The following KCNIP4 variants were observed in gnomAD, a reference collection of about 807,000 sequenced individuals.
KCNIP4 encodes the protein potassium voltage-gated channel interacting protein 4.
Under a neutral mutation model 34.0 loss-of-function variants are expected in KCNIP4, and 12 were observed. That is an observed-to-expected ratio of 0.35 (90% CI 0.23 to 0.57). The LOEUF is 0.57. KCNIP4 is among the 20% of genes least tolerant of loss of function. The pLI is 0.83. For synonymous variants in KCNIP4, 124 were observed against 102.2 expected (o/e 1.21, Z -1.29); for missense variants, 238 against 311.7 (o/e 0.76, Z 1.78).
rs961833990 is a variant in KCNIP4, at chr4:21,635,775, C to T, written c.61+312796G>A. Among the ~76,000 whole-genome samples, 35 of 152,080 alleles carry T rather than the reference C, an allele frequency of 2.3e-4. 1 individual carries two copies. The highest frequency in any genetic ancestry group is 6.8e-4 in the African/African-American group (28 of 41,412). ...AACTGGAAATACCATTTGATGCAGC[C>T]ATCCCATTACTGGGTATATACCCAA... is the stretch of plus-strand genomic sequence containing the variant. On this transcript the variant is annotated intron_variant, in intron 1 of 8. Coordinates refer to ENST00000382152, the MANE Select transcript of KCNIP4 (RefSeq NM_025221.6).
intron 1 of KCNIP4, among the ~76,000 whole-genome samples, chr4:21,497,622 G>A (rs1230558226): frequency 1.3e-5 from 2 of 152,050 alleles, no homozygotes; most frequent in Non-Finnish European, 2.9e-5. Context: ...ACAGTAATAA[G>A]CCTTTCATGT....
chr4:20,875,329 G>A (rs1723900222), intron 2 of KCNIP4, among the ~76,000 whole-genome samples: 1 of 152,166 alleles, frequency 6.6e-6, no homozygotes, highest in Non-Finnish European at 1.5e-5. Context: ...TGCTGATGAT[G>A]TGATTCAGAA....
intron 1 of KCNIP4, among the ~76,000 whole-genome samples, chr4:21,121,717 C>G (rs1750174853): frequency 6.6e-6 from 1 of 152,178 alleles, no homozygotes; most frequent in Admixed American, 6.5e-5. Flanking sequence ...AAACAACAAG[C>G]ATATTGCCCA....
intron 3 of KCNIP4, among the ~76,000 whole-genome samples, chr4:20,794,463 A>G (rs1713185391): frequency 6.6e-6 from 1 of 152,184 alleles, no homozygotes; most frequent in Non-Finnish European, 1.5e-5. Context: ...CTGTATGTTA[A>G]TTATACCTCA....
intron 1 of KCNIP4, among the ~76,000 whole-genome samples, chr4:21,246,802 T>G (rs1760237654): frequency 6.6e-6 from 1 of 152,166 alleles, no homozygotes; most frequent in Admixed American, 6.5e-5. Flanking sequence ...CTTCAGAAAA[T>G]AAGAATGTAA....
At chr4:20,817,226 C>T (rs923986715) in intron 3 of KCNIP4, among the ~76,000 whole-genome samples, 1 of 152,080 alleles carries the variant, frequency 6.6e-6, no homozygotes, top group Non-Finnish European at 1.5e-5. Flanking sequence ...GGAATTAGTC[C>T]CATTTTACCT....
intron 1 of KCNIP4, among the ~76,000 whole-genome samples, chr4:21,466,395 C>G (rs749463902): frequency 4.6e-5 from 7 of 152,194 alleles, no homozygotes; most frequent in Non-Finnish European, 1.0e-4. Flanking sequence ...TCATTAACTT[C>G]ATTCTGATGG....
intron 1 of KCNIP4, among the ~76,000 whole-genome samples, chr4:21,738,852 T>C (rs1053882157): frequency 8.5e-5 from 13 of 152,162 alleles, no homozygotes; most frequent in Non-Finnish European, 1.8e-4. Context: ...GCATAAGATA[T>C]ATAGACATAC....
intron 1 of KCNIP4, among the ~76,000 whole-genome samples, chr4:21,810,714 AAT>A (rs1721598564): frequency 1.7e-5 from 2 of 114,354 alleles, no homozygotes; most frequent in African/African-American, 5.5e-5. Context: ...AAAAAAAAAA[AAT>A]CAGAGAGAAT....
chr4:21,562,098 T>C (rs1489928595), intron 1 of KCNIP4, among the ~76,000 whole-genome samples: 3 of 151,974 alleles, frequency 2.0e-5, no homozygotes, highest in Admixed American at 6.6e-5. Flanking sequence ...TTCTCTTCCT[T>C]TCTGTCTCTC....
intron 1 of KCNIP4, among the ~76,000 whole-genome samples, chr4:21,168,654 T>G (rs1753803402): frequency 6.6e-6 from 1 of 152,196 alleles, no homozygotes; most frequent in Non-Finnish European, 1.5e-5. Context: ...ATTAGGGAGA[T>G]AACTAGTATC....
intron 1 of KCNIP4, among the ~76,000 whole-genome samples, chr4:21,567,743 T>G (rs189528301): frequency 6.6e-6 from 1 of 152,266 alleles, no homozygotes; most frequent in East Asian, 1.9e-4. Flanking sequence ...AATAGTCTAA[T>G]ATAAACTGAA....
chr4:21,481,264 A>G (rs996241539), intron 1 of KCNIP4, among the ~76,000 whole-genome samples: 1 of 152,222 alleles, frequency 6.6e-6, no homozygotes, highest in African/African-American at 2.4e-5. Context: ...GTAATAGAAC[A>G]CAATAAGGTC....
intron 1 of KCNIP4, among the ~76,000 whole-genome samples, chr4:21,916,154 G>A (rs954847437): frequency 2.6e-5 from 4 of 152,200 alleles, no homozygotes; most frequent in African/African-American, 7.2e-5. Flanking sequence ...GTGTTTCTCA[G>A]ACAGGCTTAA....
chr4:21,010,580 A>G (rs1406956485), intron 1 of KCNIP4, among the ~76,000 whole-genome samples: 3 of 152,186 alleles, frequency 2.0e-5, no homozygotes, highest in African/African-American at 7.2e-5. Flanking sequence ...TTTTGCAATC[A>G]AGTTAAGTGA....
At chr4:20,918,924 T>G (rs925613197) in intron 1 of KCNIP4, among the ~76,000 whole-genome samples, 1 of 152,330 alleles carries the variant, frequency 6.6e-6, no homozygotes, top group Admixed American at 6.5e-5. Flanking sequence ...GGCACAGGTG[T>G]TGCAGACTAA....
rs185012036 is a variant in KCNIP4 at position 21,354,400 on chromosome 4, A to C, written c.62-471691T>G. 1.1e-3 allele frequency among the ~76,000 whole-genome samples: 161 copies of C among 152,270 alleles called. 1 individual carries two copies. Among genetic ancestry groups the C allele is most frequent in the African/African-American group, 3.8e-3 (158 of 41,570 alleles). On this transcript the variant is annotated intron_variant, in intron 1 of 8. Transcript: ENST00000382152. Reference sequence around the variant, plus strand: ...TCCATCAGTGTGCTGTATTCAGGAGACCCATCTCACCTGCAGAGACACACA... The same window carrying C: ...TCCATCAGTGTGCTGTATTCAGGAGCCCCATCTCACCTGCAGAGACACACA...
intron 1 of KCNIP4, among the ~76,000 whole-genome samples, chr4:21,491,578 G>T (rs1732402321): frequency 6.6e-6 from 1 of 152,044 alleles, no homozygotes; most frequent in Admixed American, 6.6e-5. Context: ...TGGCTATGTT[G>T]CCCAGGCTGG....
At chr4:20,888,235 C>T (rs972050868) in intron 1 of KCNIP4, among the ~76,000 whole-genome samples, 43 of 152,148 alleles carry the variant, frequency 2.8e-4, no homozygotes, top group African/African-American at 9.4e-4. Flanking sequence ...TAAATGTATA[C>T]CCCACCATAT....
Sources: gnomAD v4.1 joint callset for allele counts (sites outside exome capture counted in the v4.1 genomes callset) on GRCh38, gnomAD v4.1.1 for gene constraint, MANE v1.5 for transcripts, NCBI Gene and HGNC (gene_info 2026-07-23, HGNC 2026-07-21) for gene names.